The following CPA6 variants were observed in gnomAD, a reference collection of about 807,000 sequenced individuals.
CPA6 encodes the protein carboxypeptidase B.
In CPA6, 58 loss-of-function variants were observed where a neutral mutation model predicts 63.3. The observed-to-expected ratio is 0.92, with a 90% CI of 0.74 to 1.14. The LOEUF is 1.14. CPA6 is among the 50% of genes most tolerant of loss of function. CPA6 has a pLI of 0.00. For synonymous variants in CPA6, 185 were observed against 179.0 expected (o/e 1.03, Z -0.27); for missense variants, 565 against 526.6 (o/e 1.07, Z -0.71).
At chr8:67,447,180 A>G (rs1220010200) in intron 8 of CPA6, among the ~76,000 whole-genome samples, 2 of 152,064 alleles carry the variant, frequency 1.3e-5, no homozygotes, top group African/African-American at 2.4e-5. Flanking sequence ...TCATAATCGT[A>G]CAATTTTTTT....
chr8:67,691,225 A>T (rs1233129253), intron 1 of CPA6, among the ~76,000 whole-genome samples: 1 of 151,962 alleles, frequency 6.6e-6, no homozygotes, highest in Non-Finnish European at 1.5e-5. Flanking sequence ...AGTAGAGTAC[A>T]TGCTATGGAT....
chr8:67,620,673 G>C (rs1312232213), intron 2 of CPA6, among the ~76,000 whole-genome samples: 1 of 152,148 alleles, frequency 6.6e-6, no homozygotes, highest in East Asian at 1.9e-4. Flanking sequence ...TAGTACAAAT[G>C]GTTTGCTTGG....
intron 1 of CPA6, among the ~76,000 whole-genome samples, chr8:67,742,733 C>G (rs1165489541): frequency 3.9e-5 from 6 of 152,110 alleles, no homozygotes; most frequent in Non-Finnish European, 8.8e-5. Context: ...AGTTAAATAA[C>G]TTGTCTAAGA....
intron 1 of CPA6, among the ~76,000 whole-genome samples, chr8:67,743,355 T>C (rs183546824): frequency 3.3e-5 from 5 of 152,262 alleles, no homozygotes; most frequent in African/African-American, 1.2e-4. Flanking sequence ...TACTACTATA[T>C]ACCCAATATA....
chr8:67,563,026 TG>T (rs1388407875), intron 2 of CPA6, among the ~76,000 whole-genome samples: 1 of 151,986 alleles, frequency 6.6e-6, no homozygotes, highest in Non-Finnish European at 1.5e-5. Context: ...GGGCAGATGA[TG>T]GGTCTCCATA....
chr8:67,505,513 T>C (rs537010478), intron 6 of CPA6, among the ~76,000 whole-genome samples: 158 of 152,310 alleles, frequency 1.0e-3, no homozygotes, highest in African/African-American at 3.5e-3. Context: ...ACTTAACTAT[T>C]TCTTTTTTTT....
intron 6 of CPA6, among the ~76,000 whole-genome samples, chr8:67,491,633 C>T (rs1430214018): frequency 6.6e-6 from 1 of 152,076 alleles, no homozygotes; most frequent in African/African-American, 2.4e-5. Flanking sequence ...AACAGTGATT[C>T]ATTGGTTGTA....
chr8:67,606,044 C>T (rs541845228), intron 2 of CPA6, among the ~76,000 whole-genome samples: 8 of 151,314 alleles, frequency 5.3e-5, no homozygotes, highest in Non-Finnish European at 8.8e-5. Flanking sequence ...TTTGTCTTTG[C>T]GATAGTTTAC....
intron 9 of CPA6, among the ~76,000 whole-genome samples, chr8:67,429,018 T>C (rs1262002418): frequency 3.3e-5 from 5 of 152,224 alleles, no homozygotes; most frequent in South Asian, 2.1e-4. Context: ...CACATCTGAA[T>C]CAATTAAGAA....
intron 2 of CPA6, among the ~76,000 whole-genome samples, chr8:67,548,817 C>G (rs865832304): frequency 6.6e-6 from 1 of 152,194 alleles, no homozygotes; most frequent in African/African-American, 2.4e-5. Flanking sequence ...TAGTTAGCAT[C>G]TCTGTGCAGA....
intron 2 of CPA6, among the ~76,000 whole-genome samples, chr8:67,620,444 G>A (rs531324337): frequency 1.6e-4 from 24 of 152,128 alleles, no homozygotes; most frequent in Admixed American, 3.3e-4. Flanking sequence ...TTAGAATTCT[G>A]TCTATCACAG....
chr8:67,545,433 C>T (rs1449570049), intron 2 of CPA6, among the ~76,000 whole-genome samples: 1 of 152,264 alleles, frequency 6.6e-6, no homozygotes, highest in East Asian at 1.9e-4. Flanking sequence ...AAATGTCCCT[C>T]ACCTTCAGCC....
At position 67,604,881 on chromosome 8, in the gene CPA6, G is replaced by A. The variant is rs187315829; in HGVS notation, c.192+19295C>T. ...CAACCTCCACCTCCCGGGTTCAAGC[G>A]ATTTTCCCGCCTCAGCCTCCCAAGT... On this transcript the variant is annotated intron_variant, in intron 2 of 10. Coordinates refer to ENST00000297770, the MANE Select transcript of CPA6 (RefSeq NM_020361.5). Among the ~76,000 whole-genome samples the A allele has an allele frequency of 1.4e-3, 208 of 152,152 alleles. 2 individuals carry two copies. Among genetic ancestry groups the A allele is most frequent in the Middle Eastern group, 3.4e-3 (1 of 294 alleles).
At chr8:67,554,828 G>T (rs1248198173) in intron 2 of CPA6, among the ~76,000 whole-genome samples, 4 of 152,166 alleles carry the variant, frequency 2.6e-5, no homozygotes, top group Non-Finnish European at 5.9e-5. Flanking sequence ...CTGCCATTTT[G>T]TTCCATTTGG....
intron 2 of CPA6, among the ~76,000 whole-genome samples, chr8:67,593,946 TG>T (rs1304134808): frequency 6.7e-6 from 1 of 148,976 alleles, no homozygotes; most frequent in Non-Finnish European, 1.5e-5. Flanking sequence ...CTGGTTATTT[TG>T]CTCGTTAGTT....
At chr8:67,449,595 G>A (rs1810509395) in intron 8 of CPA6, among the ~76,000 whole-genome samples, 3 of 152,116 alleles carry the variant, frequency 2.0e-5, no homozygotes, top group Admixed American at 2.0e-4. Context: ...CCTATCCAAG[G>A]ACAGTTTTAT....
chr8:67,581,724 T>C (rs1813777953), intron 2 of CPA6, among the ~76,000 whole-genome samples: 1 of 152,148 alleles, frequency 6.6e-6, no homozygotes, highest in Non-Finnish European at 1.5e-5. Context: ...TGAGTGTAAA[T>C]AGGTCAGCCA....
At chr8:67,426,949 C>T (rs1809900399) in intron 10 of CPA6, among the ~76,000 whole-genome samples, 1 of 152,124 alleles carries the variant, frequency 6.6e-6, no homozygotes, top group Admixed American at 6.5e-5. Flanking sequence ...ACTACAATGC[C>T]CATACTATGA....
intron 1 of CPA6, among the ~76,000 whole-genome samples, chr8:67,700,072 C>A (rs1030848475): frequency 1.3e-5 from 2 of 152,128 alleles, no homozygotes; most frequent in East Asian, 3.8e-4. Context: ...CTCATATAAT[C>A]GTGAGGTTTA....
Sources: gnomAD v4.1 joint callset for allele counts (sites outside exome capture counted in the v4.1 genomes callset) on GRCh38, gnomAD v4.1.1 for gene constraint, MANE v1.5 for transcripts, NCBI Gene and HGNC (gene_info 2026-07-23, HGNC 2026-07-21) for gene names.